Variants in LAT observed in about 807,000 individuals in gnomAD.
The protein encoded by LAT is linker for activation of T-cells family member 1.
Under a neutral mutation model 39.1 loss-of-function variants are expected in LAT, and 12 were observed. That is an observed-to-expected ratio of 0.31 (90% CI 0.20 to 0.50). LAT has a LOEUF of 0.50. Ranked by LOEUF, LAT falls within the 20% of genes least tolerant of loss-of-function variation. The probability of loss-of-function intolerance (pLI) is 0.98; values close to 1 mark genes in which losing one functional copy is unlikely to be tolerated. For missense variants in LAT, 253 were observed against 308.0 expected (o/e 0.82, Z 1.34); for synonymous variants, 117 against 123.8 (o/e 0.95, Z 0.36).
In LAT at chr16:28,986,618, C is replaced by T. The variant is rs753063338; in HGVS notation, c.341-39C>T. On this transcript the variant is annotated intron_variant, in intron 6 of 11. Transcript: ENST00000395456. This position sits in a 1 kb window ranked among gnomAD's most constrained non-coding sequence, Gnocchi z 5.7. The stretch of plus-strand genomic sequence containing the variant: ...CAGGCTGGGTGGGGAGTCTGGGGTC[C>T]GTCCTGGACTAGGCTGACCCCTGTG... The T allele has an allele frequency of 2.2e-5, 35 of 1,613,674 alleles. No individual in the cohort carries two copies. Among genetic ancestry groups the T allele is most frequent in the Middle Eastern group, 1.6e-4 (1 of 6,084 alleles).
At chr16:28,989,649 A>G (rs1488279305) in intron 9 of LAT, 60 bp downstream of exon 9, 2 of 1,586,258 alleles carry the variant, frequency 1.3e-6, no homozygotes, top group Non-Finnish European at 1.7e-6. Flanking sequence ...CCATGCTCTC[A>G]GTGTGACCAG....
Position 28,989,855 on chromosome 16 carries a change from G to C in LAT, c.622+16G>C, listed in dbSNP as rs1044899875. 5.0e-6 allele frequency: 8 copies of C among 1,614,026 alleles called. No individual in the cohort carries two copies. The highest frequency in any genetic ancestry group is 6.8e-6 in the Non-Finnish European group (8 of 1,179,986). On this transcript the variant is annotated intron_variant, in intron 10 of 11. Coordinates refer to ENST00000395456, the MANE Select transcript of LAT (RefSeq NM_001014987.2). ...ACTGAGCCTGGTGTGTTCTGCGGGA[G>C]GGGCAGGAGCTGGGGTAGCTGCTTT...
chr16:28,989,526 G>A lies in LAT; in HGVS notation c.494-1G>A, dbSNP rs1484029869. The A allele has an allele frequency of 6.2e-7, 1 of 1,606,708 alleles. No homozygotes were observed. On this transcript the variant is annotated splice_acceptor_variant, in intron 8 of 11. Transcript: ENST00000395456. LOFTEE classifies it high-confidence loss of function. ...CCGAGGTGGGCCTGGCTTTTCCACA[G>A]TGGAGTCCATTGATGATTACGTGAA...
chr16:28,989,124 CG>C, intron 8 of LAT: 1 of 100,970 alleles, frequency 9.9e-6, no homozygotes, highest in Non-Finnish European at 1.8e-5. Flanking sequence ...GGATGGGGGT[CG>C]GGGGGAGGAG....
chr16:28,985,223 C>T lies in LAT; in HGVS notation c.-195C>T, dbSNP rs987332690. 7.0e-6 allele frequency: 10 copies of T among 1,434,566 alleles called. No homozygotes were observed. Among genetic ancestry groups the T allele is most frequent in the Non-Finnish European group, 9.1e-6 (10 of 1,098,988 alleles). 88.9% of individuals were successfully genotyped at this position (1,434,566 alleles called of 1,614,324 possible). On this transcript the variant is annotated 5_prime_UTR_variant, in exon 1 of 12. Coordinates refer to ENST00000395456, the MANE Select transcript of LAT (RefSeq NM_001014987.2). This position sits in a 1 kb window ranked among gnomAD's most constrained non-coding sequence, Gnocchi z 4.6. ...CACAGTCAGCTGGACGCACACTCAG[C>T]CCAGTAAAAGAGGGGACCCATCCCG...
At chr16:28,987,962 C>T (rs1397725853) in intron 8 of LAT, 1 of 151,722 alleles carries the variant, frequency 6.6e-6, no homozygotes, top group Non-Finnish European at 1.5e-5. Flanking sequence ...CGTGGTGGCA[C>T]ATGCCTGTAG....
rs1761904103 is a variant in LAT, at chr16:28,985,644, TC to T, written c.101-66del. 1.2e-6 allele frequency: 2 copies of T among 1,605,218 alleles called. No homozygotes were observed. Among genetic ancestry groups the T allele is most frequent in the Non-Finnish European group, 1.7e-6 (2 of 1,172,598 alleles). Reference sequence around the variant, plus strand: ...GTCCTGATCCCAGCGCCTCTGAGAGTCCCTGGATCCCAGCACCTTCTGCCCT... The same window carrying T: ...GTCCTGATCCCAGCGCCTCTGAGAGTCCTGGATCCCAGCACCTTCTGCCCT... On this transcript the variant is annotated intron_variant, in intron 1 of 11. Coordinates refer to ENST00000395456, the MANE Select transcript of LAT (RefSeq NM_001014987.2). This position sits in a 1 kb window ranked among gnomAD's most constrained non-coding sequence, Gnocchi z 4.6.
chr16:28,990,407 C>T lies in LAT; in HGVS notation c.*226C>T. 1 of 407,324 alleles carries T rather than the reference C, an allele frequency of 2.5e-6. No homozygotes were observed. The highest frequency in any genetic ancestry group is 4.8e-6 in the Non-Finnish European group (1 of 208,276). The allele number at this position is 407,324 out of a possible 1,614,324, so 25.2% of individuals were successfully genotyped here. On this transcript the variant is annotated 3_prime_UTR_variant, in exon 12 of 12. Coordinates refer to ENST00000395456, the MANE Select transcript of LAT (RefSeq NM_001014987.2). ...GCCTGAGAATGACCTGCCCTGGCCCCAGCCCTACTCTGTGTAATAGAATAA... is the reference window on the plus strand; with the variant it reads ...GCCTGAGAATGACCTGCCCTGGCCCTAGCCCTACTCTGTGTAATAGAATAA...
chr16:28,989,651 T>G (rs1965829848), intron 9 of LAT, 62 bp downstream of exon 9: 3 of 1,585,078 alleles, frequency 1.9e-6, no homozygotes, highest in South Asian at 2.3e-5. Context: ...ATGCTCTCAG[T>G]GTGACCAGAT....
rs139374736 is a variant in LAT, at chr16:28,985,477, C to T, written c.60C>T (p.Ala20=). ...GGCTCCTGCTGCTGCCCATCCTGGCCATGTTGATGGCACTGTGTGTGCACT... is the reference window on the plus strand; with the variant it reads ...GGCTCCTGCTGCTGCCCATCCTGGCTATGTTGATGGCACTGTGTGTGCACT... ...VLGLLLLPIL[A]MLMALCVHCH... Residue 20 remains alanine (A), a synonymous_variant, in exon 1 of 12, where the codon GCC becomes GCT. Coordinates refer to ENST00000395456, the MANE Select transcript of LAT (RefSeq NM_001014987.2). The surrounding 1 kb of genome is among the most constrained non-coding windows in gnomAD (Gnocchi z 4.6). 4.3e-6 allele frequency: 7 copies of T among 1,613,772 alleles called. No homozygotes were observed. Among genetic ancestry groups the T allele is most frequent in the Non-Finnish European group, 5.9e-6 (7 of 1,179,960 alleles).
Position 28,986,148 on chromosome 16 carries a change from CT to C in LAT, c.178del (p.Trp60GlyfsTer14), listed in dbSNP as rs760284754. 1.9e-6 allele frequency: 3 copies of C among 1,599,044 alleles called. No individual in the cohort carries two copies. The East Asian group carries it at 6.7e-5, about 36-fold the overall frequency. ...CTGTGTCCTCAGACACGGTTGCCCC[CT>C]GGCCACCTGCCTACCCACCTGTCAC... ...QFKRPHTVAP[W>X]PPAYPPVTSY... On this transcript the variant is annotated frameshift_variant, in exon 4 of 12. Transcript: ENST00000395456. LOFTEE classifies it high-confidence loss of function. This position sits in a 1 kb window ranked among gnomAD's most constrained non-coding sequence, Gnocchi z 5.7.
chr16:28,986,401 G>T lies in LAT; in HGVS notation c.265G>T (p.Gly89Trp), dbSNP rs763233534. Residue 89 changes from glycine to tryptophan, a missense_variant, in exon 5 of 12, where the codon GGG becomes TGG. Physicochemically the swap from Gly to Trp is radical, Grantham distance 184. Transcript: ENST00000395456. The surrounding 1 kb of genome is among the most constrained non-coding windows in gnomAD (Gnocchi z 5.7). ...LPIPRSPQPL[G>W]GSHRTPSSRR... ...TCCCAGAAGATCCCCGCAGCCCCTTGGGGGCTCCCACCGGACGCCATCTTC... is the reference window on the plus strand; with the variant it reads ...TCCCAGAAGATCCCCGCAGCCCCTTTGGGGCTCCCACCGGACGCCATCTTC... 3 of 1,613,722 alleles carry T rather than the reference G, an allele frequency of 1.9e-6. No individual in the cohort carries two copies. The South Asian group carries it at 3.3e-5, about 18-fold the overall frequency.
chr16:28,990,046 T>C (rs774114219), intron 11 of LAT, 27 bp downstream of exon 11: 1 of 1,577,296 alleles, frequency 6.3e-7, no homozygotes, highest in Non-Finnish European at 8.7e-7. Flanking sequence ...GTCCCCACCC[T>C]GCCCTGGGCC....
Position 28,989,546 on chromosome 16 carries a change from C to A in LAT, c.513C>A (p.Tyr171Ter). ...SAFSMESIDDYVNVPESGESA... is the reference protein window; with the variant it reads ...SAFSMESIDD ...CCACAGTGGAGTCCATTGATGATTA[C>A]GTGAACGTTCCGGAGAGCGGGGAGA... is the stretch of plus-strand genomic sequence containing the variant. Residue 171 changes from tyrosine (Y) to a stop codon, truncating the protein, a stop_gained, in exon 9 of 12, where the codon TAC (tyrosine) becomes TAA (stop). Coordinates refer to ENST00000395456, the MANE Select transcript of LAT (RefSeq NM_001014987.2). LOFTEE classifies it high-confidence loss of function. 6.2e-7 allele frequency: 1 copy of A among 1,610,828 alleles called. No homozygotes were observed. The highest frequency in any genetic ancestry group is 8.5e-7 in the Non-Finnish European group (1 of 1,178,174).
intron 11 of LAT, 52 bp downstream of exon 11, chr16:28,990,071 C>T: frequency 6.7e-7 from 1 of 1,486,106 alleles, no homozygotes; most frequent in South Asian, 1.2e-5. Context: ...GGCTCTACTC[C>T]TTCCCTCCAG....
In LAT at chr16:28,986,190, G is replaced by A. The variant is rs1186491884; in HGVS notation, c.219G>A (p.Leu73=). 1.9e-6 allele frequency: 3 copies of A among 1,602,280 alleles called. No individual in the cohort carries two copies. The highest frequency in any genetic ancestry group is 2.2e-5 in the South Asian group (2 of 89,348). ...AYPPVTSYPP[L]SQPDLLPIPR... Reference sequence around the variant, plus strand: ...CACCTGTCACCTCCTACCCACCCCTGAGCCAGCCAGACCTGCTCCCCATCC... The same window carrying A: ...CACCTGTCACCTCCTACCCACCCCTAAGCCAGCCAGACCTGCTCCCCATCC... The change falls in exon 4 of 12, where the codon CTG becomes CTA. Residue 73 remains leucine, a synonymous_variant. Coordinates refer to ENST00000395456, the MANE Select transcript of LAT (RefSeq NM_001014987.2). This position sits in a 1 kb window ranked among gnomAD's most constrained non-coding sequence, Gnocchi z 5.7.
At position 28,985,298 on chromosome 16, in the gene LAT, T is replaced by C; in HGVS notation, c.-120T>C. The C allele has an allele frequency of 6.7e-7, 1 of 1,496,214 alleles. No homozygotes were observed. The highest frequency in any genetic ancestry group is 8.9e-7 in the Non-Finnish European group (1 of 1,122,390). 92.7% of individuals were successfully genotyped at this position (1,496,214 alleles called of 1,614,324 possible). On this transcript the variant is annotated 5_prime_UTR_variant, in exon 1 of 12. Transcript: ENST00000395456. The surrounding 1 kb of genome is among the most constrained non-coding windows in gnomAD (Gnocchi z 4.6). ...CCTCCTCCCGGGCTCCCCTGCCACC[T>C]GGTGCCTACCTGCCCCCTGCTCCCT...
rs996325728 is a variant in LAT, at chr16:28,986,025, A to G, written c.164-110A>G. 1 of 1,372,954 alleles carries G rather than the reference A, an allele frequency of 7.3e-7. No individual in the cohort carries two copies. Among genetic ancestry groups the G allele is most frequent in the Non-Finnish European group, 1.0e-6 (1 of 964,072 alleles). The allele number at this position is 1,372,954 out of a possible 1,614,324, so 85.0% of individuals were successfully genotyped here. On this transcript the variant is annotated intron_variant, in intron 3 of 11. Transcript: ENST00000395456. This position sits in a 1 kb window ranked among gnomAD's most constrained non-coding sequence, Gnocchi z 5.7. ...CTTGACCTGAGCTGGGAGAGGGGAG[A>G]TGGCTCCCCCAGGCCTGTCCAGGGT...
Position 28,985,748 on chromosome 16 carries a change from C to T in LAT, c.128+8C>T, listed in dbSNP as rs564142476. 7.9e-5 allele frequency: 128 copies of T among 1,614,052 alleles called. No individual in the cohort carries two copies. In the East Asian group the frequency reaches 1.0e-3, roughly 13 times the overall value. The stretch of plus-strand genomic sequence containing the variant: ...CAGCACATCCTCAGATAGGTGAGTC[C>T]GCCCCAGCCGCCCTGGGTCTCCCTC... On this transcript the variant is annotated splice_region_variant and intron_variant, in intron 2 of 11. Coordinates refer to ENST00000395456, the MANE Select transcript of LAT (RefSeq NM_001014987.2). The surrounding 1 kb of genome is among the most constrained non-coding windows in gnomAD (Gnocchi z 4.6).
Sources: gnomAD v4.1 joint callset for allele counts on GRCh38, gnomAD v4.1.1 for gene constraint, Gnocchi (gnomAD v3.1) non-coding constraint, MANE v1.5 for transcripts, NCBI Gene and HGNC (gene_info 2026-07-23, HGNC 2026-07-21) for gene names.